RAVER1: variants seen among roughly 807,000 people sequenced by gnomAD.
The protein encoded by RAVER1 is ribonucleoprotein PTB-binding 1.
Under a neutral mutation model 68.4 loss-of-function variants are expected in RAVER1, and 36 were observed. The observed-to-expected ratio is 0.53, with a 90% CI of 0.40 to 0.70. The LOEUF is 0.70. Ranked by LOEUF, RAVER1 falls within the 30% of genes least tolerant of loss-of-function variation. The probability of loss-of-function intolerance (pLI) is 0.00; values close to 1 mark genes in which losing one functional copy is unlikely to be tolerated. For missense variants in RAVER1, 933 were observed against 1,019.8 expected (o/e 0.91, Z 1.16); for synonymous variants, 469 against 472.7 (o/e 0.99, Z 0.10).
In RAVER1 at chr19:10,317,552, G is replaced by A. The variant is rs761583885; in HGVS notation, c.2122C>T (p.Pro708Ser). ...TAGCTGCCTTCTGGGCTGGGCTCGG[G>A]CGAGGGCAGCAGGTGGGCAAAGCTG... ...KRSFAHLLPS[P>S]EPSPEGSYVG... Residue 708 changes from proline (P) to serine (S), a missense_variant, in exon 13 of 13, where the codon CCC (proline) becomes TCC (serine). Transcript: ENST00000617231. The surrounding 1 kb of genome is among the most constrained non-coding windows in gnomAD (Gnocchi z 4.3). 6.2e-7 allele frequency: 1 copy of A among 1,613,214 alleles called. No individual in the cohort carries two copies. Among genetic ancestry groups the A allele is most frequent in the Non-Finnish European group, 8.5e-7 (1 of 1,179,620 alleles).
intron 7 of RAVER1, 97 bp downstream of exon 7, chr19:10,321,434 G>T: frequency 9.4e-7 from 1 of 1,063,674 alleles, no homozygotes; most frequent in Non-Finnish European, 1.2e-6. Flanking sequence ...GGACAAGGGC[G>T]CTGGGACCCA....
At position 10,329,134 on chromosome 19, in the gene RAVER1, C is replaced by A; in HGVS notation, c.287-23G>T. On this transcript the variant is annotated intron_variant, in intron 2 of 12. Coordinates refer to ENST00000617231, the MANE Select transcript of RAVER1 (RefSeq NM_133452.3). This position sits in a 1 kb window ranked among gnomAD's most constrained non-coding sequence, Gnocchi z 4.6. ...AGGCTGCGGTGGGAGGAGGGCAGTG[C>A]GAGGTCAGCCGGGCCCTGAGGGCCT... 1 of 1,399,632 alleles carries A rather than the reference C, an allele frequency of 7.1e-7. No homozygotes were observed. Among genetic ancestry groups the A allele is most frequent in the Non-Finnish European group, 9.5e-7 (1 of 1,052,922 alleles). The allele number at this position is 1,399,632 out of a possible 1,614,324, so 86.7% of individuals were successfully genotyped here.
chr19:10,330,589 G>C, intron 1 of RAVER1, 63 bp from the exon 2 acceptor site: 1 of 746,276 alleles, frequency 1.3e-6, no homozygotes, highest in Non-Finnish European at 2.4e-6. Context: ...ACCCAGTGCC[G>C]CTTCATAGCT....
In RAVER1 at chr19:10,317,813, G is replaced by T; in HGVS notation, c.1990-40C>A. ...GAGGTGGAACAGGTCACTCCCTGGG[G>T]GCCAGAGGAAGCACCCACCCCGCCC... On this transcript the variant is annotated intron_variant, in intron 11 of 12. Coordinates refer to ENST00000617231, the MANE Select transcript of RAVER1 (RefSeq NM_133452.3). This position sits in a 1 kb window ranked among gnomAD's most constrained non-coding sequence, Gnocchi z 4.3. 1 of 1,257,460 alleles carries T rather than the reference G, an allele frequency of 8.0e-7. No individual in the cohort carries two copies. Among genetic ancestry groups the T allele is most frequent in the Non-Finnish European group, 1.1e-6 (1 of 879,082 alleles). 77.9% of individuals were successfully genotyped at this position (1,257,460 alleles called of 1,614,324 possible).
Position 10,316,651 on chromosome 19 carries a change from A to G in RAVER1, c.*803T>C. On this transcript the variant is annotated 3_prime_UTR_variant, in exon 13 of 13. Coordinates refer to ENST00000617231, the MANE Select transcript of RAVER1 (RefSeq NM_133452.3). ...GAGGGGGTGGTGGGGCCGGTTCGCC[A>G]AGATGAAGGCTTTCCCCTTCTACTG... is the stretch of plus-strand genomic sequence containing the variant. 1.2e-6 allele frequency: 1 copy of G among 819,360 alleles called. No homozygotes were observed. The highest frequency in any genetic ancestry group is 1.5e-6 in the Non-Finnish European group (1 of 677,538). 50.8% of individuals were successfully genotyped at this position (819,360 alleles called of 1,614,324 possible). A position where few individuals can be genotyped will look rare whatever the true frequency, so the allele number is the denominator to read the frequency against.
Position 10,317,357 on chromosome 19 carries a change from AAG to A in RAVER1, c.*95_*96del. ...CTTTCAGAGATTTTTCTATTACCGA[AAG>A]AGAGAAAATGGTTTAAAAAAAACAC... On this transcript the variant is annotated 3_prime_UTR_variant, in exon 13 of 13. Transcript: ENST00000617231. This position sits in a 1 kb window ranked among gnomAD's most constrained non-coding sequence, Gnocchi z 4.3. The A allele has an allele frequency of 1.5e-6, 2 of 1,339,730 alleles. No individual in the cohort carries two copies. Among genetic ancestry groups the A allele is most frequent in the Non-Finnish European group, 2.1e-6 (2 of 941,110 alleles). 83.0% of individuals were successfully genotyped at this position (1,339,730 alleles called of 1,614,324 possible).
chr19:10,318,779 C>T (rs34157869), intron 10 of RAVER1, among the ~76,000 whole-genome samples: 1 of 152,086 alleles, frequency 6.6e-6, no homozygotes, highest in African/African-American at 2.4e-5. Flanking sequence ...AATGGGCACA[C>T]AGAAACTGTT....
At position 10,323,919 on chromosome 19, in the gene RAVER1, C is replaced by T. The variant is rs531929906; in HGVS notation, c.757-353G>A. Among the ~76,000 whole-genome samples the T allele has an allele frequency of 2.6e-4, 40 of 152,186 alleles. No individual in the cohort carries two copies. The highest frequency in any genetic ancestry group is 9.1e-4 in the African/African-American group (38 of 41,536). ...ATCCCAGCACTTTGGGAGGCCGAGG[C>T]GGGCAGATAACCTGAGGTCGGGAGT... is the stretch of plus-strand genomic sequence containing the variant. On this transcript the variant is annotated intron_variant, in intron 3 of 12. Transcript: ENST00000617231. The surrounding 1 kb of genome is among the most constrained non-coding windows in gnomAD (Gnocchi z 6.2).
At position 10,322,663 on chromosome 19, in the gene RAVER1, C is replaced by T. The variant is rs918199669; in HGVS notation, c.1155G>A (p.Leu385=). The T allele has an allele frequency of 6.5e-7, 1 of 1,536,868 alleles. No individual in the cohort carries two copies. Among genetic ancestry groups the T allele is most frequent in the South Asian group, 1.3e-5 (1 of 78,248 alleles). Residue 385 remains leucine, a synonymous_variant, in exon 6 of 13, where the codon CTG becomes CTA. Transcript: ENST00000617231. This position sits in a 1 kb window ranked among gnomAD's most constrained non-coding sequence, Gnocchi z 4.3. ...ALSTALLQLA[L]QTQGQKKPGI... The stretch of plus-strand genomic sequence containing the variant: ...GTGTTACCTTCTGGCCCTGGGTCTG[C>T]AGGGCGAGCTGCAACAGCGCCGTGG...
chr19:10,331,701 A>AC lies in RAVER1; in HGVS notation c.220-1176_220-1175insG, dbSNP rs1482432359. ...CTCCGTCTCAAAAAAAAAAAAAAAA[A>AC]AAAAAAGAGTATGCCTTTAGGGAAG... On this transcript the variant is annotated intron_variant, in intron 1 of 12. Coordinates refer to ENST00000617231, the MANE Select transcript of RAVER1 (RefSeq NM_133452.3). 5.1e-3 allele frequency among the ~76,000 whole-genome samples: 765 copies of AC among 151,328 alleles called. 12 individuals are homozygous for AC. The highest frequency in any genetic ancestry group is 0.018 in the African/African-American group (721 of 41,124).
rs2040450803 is a variant in RAVER1, at chr19:10,323,160, C to T, written c.1063G>A (p.Ala355Thr). The change falls in exon 5 of 13, where the codon GCG (alanine) becomes ACG (threonine). Residue 355 changes from alanine (A) to threonine (T), a missense_variant. Around this residue, in one of 3 missense-constraint regions of RAVER1, gnomAD observed 699 missense variants for 731.1 expected, o/e 0.96. Transcript: ENST00000617231. This position sits in a 1 kb window ranked among gnomAD's most constrained non-coding sequence, Gnocchi z 6.2. ...CCCACCTTACCCTGCTTCCCCCCCG[C>T]ACTGCCATGGAGCAGGGGGTTGAGC... ...LLLNPLLHGS[A>T]GGKQGLLGAP... is the part of the protein sequence containing the mutation. 6.2e-7 allele frequency: 1 copy of T among 1,605,050 alleles called. No individual in the cohort carries two copies. Among genetic ancestry groups the T allele is most frequent in the East Asian group, 2.2e-5 (1 of 44,650 alleles).
chr19:10,322,702 A>G lies in RAVER1; in HGVS notation c.1116T>C (p.Asn372=), dbSNP rs1198045063. ...ACAGCGCCGTGGACAGGGCTGGCCCATTGAGCAGCGGCATGGCTGGGGGGG... is the reference window on the plus strand; with the variant it reads ...ACAGCGCCGTGGACAGGGCTGGCCCGTTGAGCAGCGGCATGGCTGGGGGGG... ...LGAPPAMPLL[N]GPALSTALLQ... Residue 372 remains asparagine (N), a synonymous_variant, in exon 6 of 13, where the codon AAT becomes AAC. Coordinates refer to ENST00000617231, the MANE Select transcript of RAVER1 (RefSeq NM_133452.3). This position sits in a 1 kb window ranked among gnomAD's most constrained non-coding sequence, Gnocchi z 4.3. 1.3e-6 allele frequency: 2 copies of G among 1,530,880 alleles called. No individual in the cohort carries two copies. The highest frequency in any genetic ancestry group is 1.7e-6 in the Non-Finnish European group (2 of 1,149,578). 94.8% of individuals were successfully genotyped at this position (1,530,880 alleles called of 1,614,324 possible).
Position 10,323,035 on chromosome 19 carries a change from C to G in RAVER1, c.1078+110G>C, listed in dbSNP as rs2145072950. The G allele has an allele frequency of 1.1e-6, 1 of 949,808 alleles. No individual in the cohort carries two copies. 58.8% of individuals were successfully genotyped at this position (949,808 alleles called of 1,614,324 possible). A position where few individuals can be genotyped will look rare whatever the true frequency, so the allele number is the denominator to read the frequency against. On this transcript the variant is annotated intron_variant, in intron 5 of 12. Transcript: ENST00000617231. This position sits in a 1 kb window ranked among gnomAD's most constrained non-coding sequence, Gnocchi z 6.2. ...GACTCCATACTCCCCCTCGGCCCTA[C>G]TCCTGGGGCTCCTGTCACTGCAGCC...
At chr19:10,324,406 C>CA (rs1356758381) in intron 3 of RAVER1, among the ~76,000 whole-genome samples, 2 of 151,994 alleles carry the variant, frequency 1.3e-5, no homozygotes, top group Non-Finnish European at 2.9e-5. Flanking sequence ...TTTTTTGAGA[C>CA]AGAGTCTTGC....
intron 3 of RAVER1, among the ~76,000 whole-genome samples, chr19:10,327,475 A>G (rs1220372734): frequency 6.6e-6 from 1 of 151,904 alleles, no homozygotes; most frequent in Non-Finnish European, 1.5e-5. Context: ...CTGGTCTCGA[A>G]CTCCTGGGCT....
At position 10,323,021 on chromosome 19, in the gene RAVER1, C is replaced by A; in HGVS notation, c.1078+124G>T. 1.2e-6 allele frequency: 1 copy of A among 825,470 alleles called. No homozygotes were observed. Among genetic ancestry groups the A allele is most frequent in the South Asian group, 1.9e-5 (1 of 52,586 alleles). The allele number at this position is 825,470 out of a possible 1,614,324, so 51.1% of individuals were successfully genotyped here. A position where few individuals can be genotyped will look rare whatever the true frequency, so the allele number is the denominator to read the frequency against. On this transcript the variant is annotated intron_variant, in intron 5 of 12. Transcript: ENST00000617231. The surrounding 1 kb of genome is among the most constrained non-coding windows in gnomAD (Gnocchi z 6.2). The stretch of plus-strand genomic sequence containing the variant: ...GCAGCCCCCGCTATGACTCCATACT[C>A]CCCCTCGGCCCTACTCCTGGGGCTC...
At position 10,329,662 on chromosome 19, in the gene RAVER1, C is replaced by G. The variant is rs909170667; in HGVS notation, c.287-551G>C. On this transcript the variant is annotated intron_variant, in intron 2 of 12. Transcript: ENST00000617231. The surrounding 1 kb of genome is among the most constrained non-coding windows in gnomAD (Gnocchi z 4.6). ...CACCCCTGCCACCTTTCCAGGCCAC[C>G]AGTGCCCCTGAACCCTGCTGCCACG... 5.3e-5 allele frequency among the ~76,000 whole-genome samples: 8 copies of G among 152,196 alleles called. No individual in the cohort carries two copies. In the South Asian group the frequency reaches 6.2e-4, roughly 12 times the overall value.
chr19:10,330,534 G>A lies in RAVER1; in HGVS notation c.220-8C>T. 7.1e-7 allele frequency: 1 copy of A among 1,401,000 alleles called. No individual in the cohort carries two copies. Among genetic ancestry groups the A allele is most frequent in the Non-Finnish European group, 9.9e-7 (1 of 1,005,476 alleles). 86.8% of individuals were successfully genotyped at this position (1,401,000 alleles called of 1,614,324 possible). A position where few individuals can be genotyped will look rare whatever the true frequency, so the allele number is the denominator to read the frequency against. On this transcript the variant is annotated splice_polypyrimidine_tract_variant and splice_region_variant and intron_variant, in intron 1 of 12. Coordinates refer to ENST00000617231, the MANE Select transcript of RAVER1 (RefSeq NM_133452.3). ...GAGCAGGTCATGTACTTCCTGTGGA[G>A]ATACAAGACAAAAGACAGGGAGTTA...
At position 10,333,271 on chromosome 19, in the gene RAVER1, C is replaced by T; in HGVS notation, c.219+18G>A. 1 of 1,609,118 alleles carries T rather than the reference C, an allele frequency of 6.2e-7. No homozygotes were observed. On this transcript the variant is annotated intron_variant, in intron 1 of 12. Transcript: ENST00000617231. This position sits in a 1 kb window ranked among gnomAD's most constrained non-coding sequence, Gnocchi z 4.2. ...CGTGGTATTTCCCGCCACGCTCCTA[C>T]ACCGCCCCCCCCAATACCTGGTTGG...
Sources: gnomAD v4.1 joint callset for allele counts (sites outside exome capture counted in the v4.1 genomes callset) on GRCh38, gnomAD v4.1.1 for gene constraint, gnomAD v4.1.1 regional missense constraint, Gnocchi (gnomAD v3.1) non-coding constraint, MANE v1.5 for transcripts, NCBI Gene and HGNC (gene_info 2026-07-23, HGNC 2026-07-21) for gene names.